Variants in PARG observed in about 807,000 individuals in gnomAD.
PARG encodes the protein mitochondrial poly(ADP-ribose) glycohydrolase.
Under a neutral mutation model 113.0 loss-of-function variants are expected in PARG, and 35 were observed. The observed-to-expected ratio is 0.31, with a 90% CI of 0.24 to 0.41. The LOEUF is 0.41. PARG is among the 10% of genes least tolerant of loss of function. PARG has a pLI of 1.00. For synonymous variants in PARG, 330 were observed against 409.9 expected, an observed-to-expected ratio of 0.81 and a Z score of 2.36; for missense variants, 797 against 1,169.4, an observed-to-expected ratio of 0.68 and a Z score of 4.64.
intron 6 of PARG, among the ~76,000 whole-genome samples, chr10:49,919,102 G>A (rs1394297254): frequency 3.3e-5 from 5 of 151,866 alleles, no homozygotes; most frequent in Admixed American, 6.6e-5. Flanking sequence ...CACCGTGCCC[G>A]GCTAATTTTT....
Position 49,820,271 on chromosome 10 carries a change from A to G in PARG, c.2670T>C (p.Ala890=), listed in dbSNP as rs757616763. ...AAACCACATCTCGCTCAGCTGCAGCAGCTGCCAATATCTGTATTAAGGCTG... is the reference window on the plus strand; with the variant it reads ...AAACCACATCTCGCTCAGCTGCAGCGGCTGCCAATATCTGTATTAAGGCTG... ...RLKALIQILA[A]AAAERDVVYF... is the part of the protein sequence containing the mutation. The change falls in exon 17 of 18, where the codon GCT becomes GCC. Residue 890 remains alanine (A), a synonymous_variant. Transcript: ENST00000616448. 1 of 1,548,250 alleles carries G rather than the reference A, an allele frequency of 6.5e-7. No homozygotes were observed. The highest frequency in any genetic ancestry group is 1.2e-5 in the South Asian group (1 of 83,976).
chr10:49,822,228 G>T (rs782242011), intron 16 of PARG, among the ~76,000 whole-genome samples: 4 of 151,646 alleles, frequency 2.6e-5, no homozygotes, highest in Non-Finnish European at 5.9e-5. Context: ...GTGTATCTGT[G>T]TGTGTGTGTG....
rs146738222 is a variant in PARG at position 49,839,091 on chromosome 10, T to C, written c.2541+2859A>G. Among the ~76,000 whole-genome samples, 145 of 152,114 alleles carry C rather than the reference T, an allele frequency of 9.5e-4. 2 individuals are homozygous for C. The East Asian group carries it at 0.026, about 27-fold the overall frequency. ...GTGGCTCACGCCTGTAATCCCAGCATTTTGGGAGGCCGAGATGGGCAGATA... is the reference window on the plus strand; with the variant it reads ...GTGGCTCACGCCTGTAATCCCAGCACTTTGGGAGGCCGAGATGGGCAGATA... On this transcript the variant is annotated intron_variant, in intron 15 of 17. Coordinates refer to ENST00000616448, the MANE Select transcript of PARG (RefSeq NM_003631.5).
chr10:49,904,793 G>A (rs2664475), intron 7 of PARG, among the ~76,000 whole-genome samples: 1 of 151,974 alleles, frequency 6.6e-6, no homozygotes, highest in Admixed American at 6.6e-5. Context: ...GTGCGTGCCT[G>A]TAATCCCAGC....
At chr10:49,931,898 G>A in intron 4 of PARG, among the ~76,000 whole-genome samples, 1 of 152,336 alleles carries the variant, frequency 6.6e-6, no homozygotes, top group Middle Eastern at 3.4e-3. Flanking sequence ...AGCTGATAAT[G>A]ATTGCTAATG....
At chr10:49,865,719 A>G (rs1554836778) in intron 10 of PARG, among the ~76,000 whole-genome samples, 1 of 151,098 alleles carries the variant, frequency 6.6e-6, no homozygotes, top group East Asian at 1.9e-4. Context: ...TTTTAAAAAA[A>G]AAAGCATTGA....
chr10:49,920,478 A>ATATG (rs1837765261), intron 6 of PARG, among the ~76,000 whole-genome samples: 2 of 102,068 alleles, frequency 2.0e-5, no homozygotes, highest in Non-Finnish European at 4.4e-5. Context: ...ATATATATAT[A>ATATG]TATATATATA....
intron 1 of PARG, among the ~76,000 whole-genome samples, chr10:49,939,732 T>A (rs1439763107): frequency 6.6e-6 from 1 of 152,258 alleles, no homozygotes; most frequent in Non-Finnish European, 1.5e-5. Context: ...AACTTTTGCA[T>A]GTCTTATTTC....
At chr10:49,819,753 T>A (rs1028490767) in intron 17 of PARG, among the ~76,000 whole-genome samples, 2 of 152,222 alleles carry the variant, frequency 1.3e-5, no homozygotes, top group African/African-American at 4.8e-5. Flanking sequence ...ACCCTCGTTA[T>A]GCACTGTCAT....
chr10:49,846,097 A>T (rs1210823646), intron 13 of PARG, among the ~76,000 whole-genome samples: 1 of 151,726 alleles, frequency 6.6e-6, no homozygotes, highest in Non-Finnish European at 1.5e-5. Flanking sequence ...AACTATTGAT[A>T]AAAAATTAAC....
At chr10:49,922,214 T>A in intron 6 of PARG, 122 bp downstream of exon 6, 1 of 1,011,436 alleles carries the variant, frequency 9.9e-7, no homozygotes, top group Non-Finnish European at 1.4e-6. Flanking sequence ...CCTTCCTTAG[T>A]GCCAGGAAGC....
intron 7 of PARG, among the ~76,000 whole-genome samples, chr10:49,893,723 T>C (rs1181153916): frequency 6.6e-5 from 10 of 151,540 alleles, no homozygotes; most frequent in African/African-American, 2.4e-4. Flanking sequence ...AGATGGAGTC[T>C]CCCTGTGTTG....
intron 7 of PARG, among the ~76,000 whole-genome samples, chr10:49,903,084 C>A (rs1344062428): frequency 1.3e-5 from 2 of 151,736 alleles, no homozygotes; most frequent in African/African-American, 4.8e-5. Flanking sequence ...CTCAGCCTCC[C>A]GAAGTGCTGG....
chr10:49,886,880 TAAAA>T (rs1371720461), intron 7 of PARG, among the ~76,000 whole-genome samples: 23 of 152,276 alleles, frequency 1.5e-4, no homozygotes, highest in African/African-American at 5.5e-4. Context: ...CTGTTAAAAA[TAAAA>T]AAACTAAATT....
intron 13 of PARG, among the ~76,000 whole-genome samples, chr10:49,847,414 C>T (rs1278427312): frequency 2.0e-5 from 3 of 151,494 alleles, no homozygotes; most frequent in African/African-American, 4.8e-5. Flanking sequence ...TATCACATGT[C>T]TCCTCAAAAG....
chr10:49,885,216 T>C lies in PARG; in HGVS notation c.1817A>G (p.Asn606Ser), dbSNP rs1847416967. The change falls in exon 8 of 18, where the codon AAT (asparagine) becomes AGT (serine). Residue 606 changes from asparagine (N) to serine (S), a missense_variant. By Grantham distance (46) the Asn-to-Ser change is conservative (BLOSUM62 1). Coordinates refer to ENST00000616448, the MANE Select transcript of PARG (RefSeq NM_003631.5). Reference sequence around the variant, plus strand: ...ACATCCACTAACCTGGGTGCAAATATTTGGCAGACAGAGTGCAATTTTCAC... The same window carrying C: ...ACATCCACTAACCTGGGTGCAAATACTTGGCAGACAGAGTGCAATTTTCAC... ...DMVKIALCLP[N>S]ICTQPIPLLK... 9 of 1,574,584 alleles carry C rather than the reference T, an allele frequency of 5.7e-6. No individual in the cohort carries two copies. The highest frequency in any genetic ancestry group is 7.9e-6 in the Non-Finnish European group (9 of 1,145,874).
At chr10:49,885,105 T>C in intron 8 of PARG, 98 bp downstream of exon 8, 1 of 315,296 alleles carries the variant, frequency 3.2e-6, no homozygotes, top group Non-Finnish European at 6.3e-6. Flanking sequence ...TGTCTCTCTG[T>C]CTCTCTCTCT....
chr10:49,896,131 T>A (rs1187082058), intron 7 of PARG, among the ~76,000 whole-genome samples: 1 of 152,228 alleles, frequency 6.6e-6, no homozygotes, highest in Non-Finnish European at 1.5e-5. Flanking sequence ...ACAATGTTAA[T>A]AAGAATGAAG....
At chr10:49,827,207 G>C (rs903306428) in intron 16 of PARG, among the ~76,000 whole-genome samples, 4 of 152,154 alleles carry the variant, frequency 2.6e-5, no homozygotes, top group African/African-American at 7.2e-5. Flanking sequence ...GACAGTTACA[G>C]AAAAATGGGC....
Sources: gnomAD v4.1 joint callset for allele counts (sites outside exome capture counted in the v4.1 genomes callset) on GRCh38, gnomAD v4.1.1 for gene constraint, MANE v1.5 for transcripts, NCBI Gene and HGNC (gene_info 2026-07-23, HGNC 2026-07-21) for gene names.